The following STARD13 variants were observed in gnomAD, a reference collection of about 807,000 sequenced individuals.
The protein encoded by STARD13 is stAR-related lipid transfer protein 13.
A neutral mutation model predicts 106.4 loss-of-function variants in STARD13; 62 were observed. The observed-to-expected ratio is 0.58, with a 90% confidence interval of 0.48 to 0.72. The LOEUF (loss-of-function observed/expected upper bound fraction) is 0.72, where lower values mean the gene tolerates loss of function less well. Ranked by LOEUF, STARD13 falls within the 30% of genes least tolerant of loss-of-function variation. The pLI, the probability that STARD13 is intolerant of heterozygous loss-of-function variation, is 0.00. For synonymous variants in STARD13, 565 were observed against 553.0 expected (o/e 1.02, Z -0.31); for missense variants, 1,387 against 1,424.0 (o/e 0.97, Z 0.42).
chr13:33,423,695 A>G, the STARD13 span, among the ~76,000 whole-genome samples: 1 of 152,226 alleles, frequency 6.6e-6, no homozygotes, highest in Non-Finnish European at 1.5e-5. Context: ...GAACCAACCC[A>G]AATGTTCATC....
chr13:33,259,461 G>A (rs1890528228), intron 1 of STARD13, among the ~76,000 whole-genome samples: 1 of 152,150 alleles, frequency 6.6e-6, no homozygotes, highest in Non-Finnish European at 1.5e-5. Context: ...ACTGGCTTTG[G>A]TGTCAGTTCC....
At chr13:33,519,802 A>T in the STARD13 span, among the ~76,000 whole-genome samples, 1 of 152,112 alleles carries the variant, frequency 6.6e-6, no homozygotes, top group Non-Finnish European at 1.5e-5. Flanking sequence ...GTCTTTTTGT[A>T]AGAGATGAGG....
At chr13:33,592,355 T>C in the STARD13 span, among the ~76,000 whole-genome samples, 1 of 152,196 alleles carries the variant, frequency 6.6e-6, no homozygotes, top group Non-Finnish European at 1.5e-5. Context: ...GTTTTAGCCA[T>C]AAAAAATAGG....
the STARD13 span, among the ~76,000 whole-genome samples, chr13:33,360,206 A>G: frequency 6.7e-6 from 1 of 149,402 alleles, no homozygotes; most frequent in African/African-American, 2.5e-5. Flanking sequence ...AAGGCAGTCG[A>G]TTTTTTTTTT....
chr13:33,171,317 C>T (rs1279711848), intron 1 of STARD13, among the ~76,000 whole-genome samples: 1 of 152,208 alleles, frequency 6.6e-6, no homozygotes, highest in African/African-American at 2.4e-5. Flanking sequence ...GAGAGTGGAC[C>T]TGGACAGAAG....
intron 1 of STARD13, among the ~76,000 whole-genome samples, chr13:33,334,433 C>T (rs1160750220): frequency 6.6e-6 from 1 of 152,140 alleles, no homozygotes; most frequent in Non-Finnish European, 1.5e-5. Context: ...TGGCCAAGCT[C>T]CTTCACTTAC....
At chr13:33,351,436 A>G (rs1191125367), upstream of STARD13, among the ~76,000 whole-genome samples, 1 of 152,210 alleles carries the variant, frequency 6.6e-6, no homozygotes, top group Non-Finnish European at 1.5e-5. Context: ...TGGCTCTTTA[A>G]GAAATACATC....
the STARD13 span, among the ~76,000 whole-genome samples, chr13:33,519,208 T>TTTCTTTC: frequency 6.1e-4 from 62 of 101,576 alleles, 1 homozygote; most frequent in African/African-American, 2.6e-3. Context: ...CTTGGTAATT[T>TTTCTTTC]TTTCTTTCTT....
Position 33,127,421 on chromosome 13 carries a change from G to A in STARD13, c.1874C>T (p.Thr625Met), listed in dbSNP as rs1275205577. 6 of 1,604,578 alleles carry A rather than the reference G, an allele frequency of 3.7e-6. No individual in the cohort carries two copies. Among genetic ancestry groups the A allele is most frequent in the African/African-American group, 1.3e-5 (1 of 74,648 alleles). The change falls in exon 6 of 14, where the codon ACG (threonine) becomes ATG (methionine). Residue 625 changes from threonine to methionine, a missense_variant. By Grantham distance (81) the Thr-to-Met change is moderately conservative. Transcript: ENST00000336934. Reference sequence around the variant, plus strand: ...CATGGAGTGCTTCTCCATGATGGCCGTGAGGCGGAGCAGTGAGAAGCGCTG... The same window carrying A: ...CATGGAGTGCTTCTCCATGATGGCCATGAGGCGGAGCAGTGAGAAGCGCTG... ...LLQRFSLLRL[T>M]AIMEKHSMSN...
the STARD13 span, among the ~76,000 whole-genome samples, chr13:33,514,502 G>A: frequency 4.7e-4 from 71 of 152,152 alleles, 1 homozygote; most frequent in South Asian, 8.5e-3. Flanking sequence ...AGAGGGTGGC[G>A]GTCAAAAGTG....
At chr13:33,350,369 G>A in exon 1 of STARD13, 5 of 1,534,312 alleles carry the variant, frequency 3.3e-6, no homozygotes, top group Non-Finnish European at 4.4e-6. Flanking sequence ...GCTCACTGAT[G>A]GATCTCCTGA....
At chr13:33,396,292 A>G in the STARD13 span, among the ~76,000 whole-genome samples, 2 of 152,338 alleles carry the variant, frequency 1.3e-5, no homozygotes, top group African/African-American at 4.8e-5. Flanking sequence ...CACGGTGTCC[A>G]ACCAAGATGT....
the STARD13 span, among the ~76,000 whole-genome samples, chr13:33,426,381 T>A: frequency 2.0e-5 from 3 of 152,200 alleles, no homozygotes; most frequent in Non-Finnish European, 4.4e-5. Context: ...TTGACTTTAA[T>A]TAAGGTTATT....
At chr13:33,536,252 A>AT in the STARD13 span, among the ~76,000 whole-genome samples, 3 of 152,248 alleles carry the variant, frequency 2.0e-5, no homozygotes, top group South Asian at 6.2e-4. Context: ...CCATTACATC[A>AT]TACGTATTTT....
the STARD13 span, among the ~76,000 whole-genome samples, chr13:33,554,639 A>G: frequency 6.6e-6 from 1 of 152,352 alleles, no homozygotes; most frequent in African/African-American, 2.4e-5. Flanking sequence ...CGTGTTATAA[A>G]TTGTTAGGCA....
At chr13:33,436,635 A>C in the STARD13 span, among the ~76,000 whole-genome samples, 5 of 152,212 alleles carry the variant, frequency 3.3e-5, no homozygotes, top group East Asian at 9.6e-4. Flanking sequence ...GAATTATCCC[A>C]CTGTTGCTAC....
chr13:33,491,876 T>C, the STARD13 span, among the ~76,000 whole-genome samples: 1 of 152,158 alleles, frequency 6.6e-6, no homozygotes, highest in Non-Finnish European at 1.5e-5. Context: ...CTCGCGTCCA[T>C]GTGAAGAGAC....
chr13:33,492,765 G>T, the STARD13 span, among the ~76,000 whole-genome samples: 1 of 152,156 alleles, frequency 6.6e-6, no homozygotes, highest in Non-Finnish European at 1.5e-5. Context: ...TCTGTCTATG[G>T]ACTAGCCATT....
intron 1 of STARD13, among the ~76,000 whole-genome samples, chr13:33,307,802 TC>T (rs1415412965): frequency 1.3e-5 from 2 of 152,112 alleles, no homozygotes; most frequent in Non-Finnish European, 2.9e-5. Flanking sequence ...TACGCATGTA[TC>T]CTGGAACTTA....
Sources: gnomAD v4.1 joint callset for allele counts (sites outside exome capture counted in the v4.1 genomes callset) on GRCh38, gnomAD v4.1.1 for gene constraint, MANE v1.5 for transcripts, NCBI Gene and HGNC (gene_info 2026-07-23, HGNC 2026-07-21) for gene names.